The following PAK2 variants were observed in gnomAD, a reference collection of about 807,000 sequenced individuals.
PAK2 encodes the protein serine/threonine-protein kinase PAK 2.
Under a neutral mutation model 65.9 loss-of-function variants are expected in PAK2, and 21 were observed. The ratio of observed to expected loss-of-function variants is 0.32; its 90% CI spans 0.23 to 0.46. PAK2 has a LOEUF of 0.46. Among genes scored for constraint, PAK2 ranks in the 20% least tolerant of loss-of-function variants. The pLI is 1.00. For synonymous variants in PAK2, 204 were observed against 219.7 expected, an observed-to-expected ratio of 0.93 and a Z score of 0.63; for missense variants, 324 against 642.6, an observed-to-expected ratio of 0.50 and a Z score of 5.36.
intron 2 of PAK2, among the ~76,000 whole-genome samples, chr3:196,798,878 G>A (rs1346405330): frequency 6.6e-6 from 1 of 152,120 alleles, no homozygotes; most frequent in Non-Finnish European, 1.5e-5. Context: ...ACTTGGAATA[G>A]AAGAGAATGC....
intron 2 of PAK2, among the ~76,000 whole-genome samples, chr3:196,794,730 A>G (rs1363087910): frequency 2.0e-5 from 3 of 152,166 alleles, no homozygotes. Flanking sequence ...CAAATAGAGC[A>G]GCTGTTCAGC....
At chr3:196,760,441 G>A (rs901435077) in intron 1 of PAK2, among the ~76,000 whole-genome samples, 3 of 152,094 alleles carry the variant, frequency 2.0e-5, no homozygotes, top group Non-Finnish European at 4.4e-5. Flanking sequence ...AGTAGAGACA[G>A]TATTTCTCCA....
chr3:196,811,110 T>G (rs1017083350), intron 8 of PAK2, among the ~76,000 whole-genome samples: 2 of 151,914 alleles, frequency 1.3e-5, no homozygotes, highest in African/African-American at 4.8e-5. Flanking sequence ...AACACCTAAA[T>G]TTTTAATGTT....
At chr3:196,774,139 T>C (rs1186457685) in intron 1 of PAK2, among the ~76,000 whole-genome samples, 1 of 152,202 alleles carries the variant, frequency 6.6e-6, no homozygotes, top group Non-Finnish European at 1.5e-5. Flanking sequence ...CTTGAGGTCT[T>C]AGGTAGGAAA....
At chr3:196,801,391 G>A (rs547489175) in intron 2 of PAK2, among the ~76,000 whole-genome samples, 1 of 152,188 alleles carries the variant, frequency 6.6e-6, no homozygotes, top group South Asian at 2.1e-4. Context: ...CTCAGTGTTT[G>A]GTTGTGTCCA....
chr3:196,782,811 C>T lies in PAK2; in HGVS notation c.165C>T (p.Ser55=). The change falls in exon 2 of 15, where the codon TCC becomes TCT. Residue 55 remains serine (S), a synonymous_variant. Transcript: ENST00000327134. ...EEKKPRHKII[S]IFSGTEKGSK... ...AAAAGCCCAGGCATAAAATCATCTC[C>T]ATATTCTCAGGCACAGAGAAAGGTA... 6.2e-7 allele frequency: 1 copy of T among 1,612,082 alleles called. No homozygotes were observed. Among genetic ancestry groups the T allele is most frequent in the Non-Finnish European group, 8.5e-7 (1 of 1,179,012 alleles).
intron 1 of PAK2, among the ~76,000 whole-genome samples, chr3:196,756,817 CAG>C (rs1206399011): frequency 6.6e-6 from 1 of 152,198 alleles, no homozygotes; most frequent in Non-Finnish European, 1.5e-5. Context: ...GCCTGGGTGA[CAG>C]AGCAAGATTC....
intron 14 of PAK2, 44 bp from the exon 15 acceptor site, chr3:196,828,275 A>G (rs746825790): frequency 3.6e-6 from 4 of 1,109,262 alleles, no homozygotes; most frequent in South Asian, 2.6e-5. Flanking sequence ...TTCTAACCTG[A>G]TGAATGGCAC....
chr3:196,816,180 C>T (rs1716023207), intron 11 of PAK2, among the ~76,000 whole-genome samples: 1 of 152,118 alleles, frequency 6.6e-6, no homozygotes, highest in African/African-American at 2.4e-5. Context: ...ATTTGGCTTT[C>T]AGCAGTTCTT....
chr3:196,741,826 G>T (rs1713200531), intron 1 of PAK2, among the ~76,000 whole-genome samples: 1 of 151,604 alleles, frequency 6.6e-6, no homozygotes. Context: ...TTGAAACTTG[G>T]TCTGTAGATG....
chr3:196,811,254 T>A (rs1577740022), intron 8 of PAK2, among the ~76,000 whole-genome samples: 1 of 54,024 alleles, frequency 1.9e-5, no homozygotes, highest in African/African-American at 6.7e-5. Flanking sequence ...CTCCCTCCCC[T>A]CCCTCCCTTC....
chr3:196,741,047 G>A (rs1713174929), intron 1 of PAK2, among the ~76,000 whole-genome samples: 1 of 152,132 alleles, frequency 6.6e-6, no homozygotes, highest in Admixed American at 6.5e-5. Context: ...AACGAACTCC[G>A]GTTGATATCA....
chr3:196,828,663 T>C lies in PAK2; in HGVS notation c.*258T>C, dbSNP rs1318353408. The C allele has an allele frequency of 2.4e-6, 1 of 417,342 alleles. No individual in the cohort carries two copies. The highest frequency in any genetic ancestry group is 4.2e-6 in the Non-Finnish European group (1 of 235,358). The allele number at this position is 417,342 out of a possible 1,614,324, so 25.9% of individuals were successfully genotyped here. A position where few individuals can be genotyped will look rare whatever the true frequency, so the allele number is the denominator to read the frequency against. The stretch of plus-strand genomic sequence containing the variant: ...CTTAGGTCTTTCAGCAAACAGCCTA[T>C]CAGGGCCATTTATCATGTGTGAGAT... On this transcript the variant is annotated 3_prime_UTR_variant, in exon 15 of 15. Transcript: ENST00000327134.
At chr3:196,758,408 G>A (rs1281668418) in intron 1 of PAK2, among the ~76,000 whole-genome samples, 1 of 152,238 alleles carries the variant, frequency 6.6e-6, no homozygotes, top group Non-Finnish European at 1.5e-5. Flanking sequence ...GTTTGTCCAC[G>A]GCTTTCCTGG....
At chr3:196,746,357 G>C (rs1208298077) in intron 1 of PAK2, among the ~76,000 whole-genome samples, 3 of 152,022 alleles carry the variant, frequency 2.0e-5, no homozygotes, top group African/African-American at 7.2e-5. Flanking sequence ...TGATGATATG[G>C]TTTTCTTCTT....
chr3:196,806,617 A>AGAG lies in PAK2; in HGVS notation c.516_518dup (p.Glu172dup). On this transcript the variant is annotated inframe_insertion, in exon 6 of 15. Transcript: ENST00000327134. Reference sequence around the variant, plus strand: ...GAACAGAAGCACCCGCAGTAGTGACAGAGGAGGAGGATGATGATGAAGAGA... The same window carrying AGAG: ...GAACAGAAGCACCCGCAGTAGTGACAGAGGAGGAGGAGGATGATGATGAAGAGA... The AGAG allele has an allele frequency of 1.9e-6, 3 of 1,613,310 alleles. No individual in the cohort carries two copies. Among genetic ancestry groups the AGAG allele is most frequent in the Non-Finnish European group, 1.7e-6 (2 of 1,179,282 alleles).
At chr3:196,753,304 T>C (rs1713668165) in intron 1 of PAK2, among the ~76,000 whole-genome samples, 1 of 152,122 alleles carries the variant, frequency 6.6e-6, no homozygotes, top group African/African-American at 2.4e-5. Flanking sequence ...TTGCCCAGTT[T>C]GGAGTGCAGT....
At chr3:196,792,007 G>A (rs1276461639) in intron 2 of PAK2, among the ~76,000 whole-genome samples, 14 of 152,202 alleles carry the variant, frequency 9.2e-5, no homozygotes, top group Admixed American at 7.9e-4. Flanking sequence ...TCAGGGAGCC[G>A]AGTCTGGCTT....
chr3:196,745,813 C>CT (rs1186656361), intron 1 of PAK2, among the ~76,000 whole-genome samples: 7 of 105,600 alleles, frequency 6.6e-5, no homozygotes, highest in Admixed American at 2.9e-4. Context: ...GACTCCATCT[C>CT]TAAGTAAAAA....
Sources: allele counts gnomAD v4.1 joint callset (sites outside exome capture counted in the v4.1 genomes callset), GRCh38; gene constraint gnomAD v4.1.1; transcripts MANE v1.5; gene names NCBI Gene and HGNC (gene_info 2026-07-23, HGNC 2026-07-21).